RIPOR2: variants seen among roughly 807,000 people sequenced by gnomAD.
The protein encoded by RIPOR2 is RHO family interacting cell polarization regulator 2.
A neutral mutation model predicts 114.5 loss-of-function variants in RIPOR2; 39 were observed. The ratio of observed to expected loss-of-function variants is 0.34; its 90% CI spans 0.26 to 0.44. RIPOR2 has a LOEUF of 0.44. Ranked by LOEUF, RIPOR2 falls within the 20% of genes least tolerant of loss-of-function variation. The probability of loss-of-function intolerance (pLI) is 1.00; values close to 1 mark genes in which losing one functional copy is unlikely to be tolerated. For synonymous variants in RIPOR2, 445 were observed against 484.4 expected (o/e 0.92, Z 1.07); for missense variants, 1,007 against 1,255.1 (o/e 0.80, Z 2.99).
intron 1 of RIPOR2, among the ~76,000 whole-genome samples, chr6:25,024,731 C>T (rs1051166683): frequency 1.3e-5 from 2 of 152,198 alleles, no homozygotes; most frequent in Non-Finnish European, 2.9e-5. Flanking sequence ...GCTGTTTCTC[C>T]TAACTTGTAA....
intron 1 of RIPOR2, among the ~76,000 whole-genome samples, chr6:25,007,180 T>C (rs1046374993): frequency 5.3e-5 from 8 of 152,226 alleles, no homozygotes; most frequent in Non-Finnish European, 7.3e-5. Flanking sequence ...TATCTTAATA[T>C]CTTCAATAGA....
chr6:24,927,445 TCAA>T (rs983934132), intron 1 of RIPOR2, among the ~76,000 whole-genome samples: 14 of 151,308 alleles, frequency 9.3e-5, no homozygotes, highest in Middle Eastern at 3.4e-3. Context: ...ACCACCATCA[TCAA>T]CATTATCATC....
At chr6:24,893,348 G>C (rs933242173) in intron 1 of RIPOR2, among the ~76,000 whole-genome samples, 1 of 152,186 alleles carries the variant, frequency 6.6e-6, no homozygotes, top group African/African-American at 2.4e-5. Context: ...GCATAAAGTA[G>C]GTGAGGGCAG....
chr6:25,005,279 G>C (rs1561838953), intron 1 of RIPOR2, among the ~76,000 whole-genome samples: 1 of 152,160 alleles, frequency 6.6e-6, no homozygotes. Flanking sequence ...GTTGTCCGTA[G>C]ATTTAGACTA....
chr6:24,832,595 G>C (rs929259546), intron 15 of RIPOR2, among the ~76,000 whole-genome samples: 4 of 152,086 alleles, frequency 2.6e-5, no homozygotes, highest in Non-Finnish European at 4.4e-5. Context: ...GCATTTCTTC[G>C]TGTGTGCATA....
intron 1 of RIPOR2, among the ~76,000 whole-genome samples, chr6:24,994,640 T>A (rs1225089287): frequency 6.6e-6 from 1 of 152,162 alleles, no homozygotes. Context: ...ATGAGAGCGA[T>A]GGGACATGGT....
chr6:24,899,598 A>G (rs1051860243), intron 1 of RIPOR2, among the ~76,000 whole-genome samples: 1 of 152,242 alleles, frequency 6.6e-6, no homozygotes, highest in South Asian at 2.1e-4. Context: ...ATTATCCTGC[A>G]TAATTCTCCT....
At chr6:24,895,593 A>G (rs1400669334) in intron 1 of RIPOR2, among the ~76,000 whole-genome samples, 1 of 152,210 alleles carries the variant, frequency 6.6e-6, no homozygotes, top group Non-Finnish European at 1.5e-5. Context: ...ACTGCACAAA[A>G]TATTTGAAAA....
chr6:24,854,296 T>C (rs1484000852), intron 8 of RIPOR2, among the ~76,000 whole-genome samples: 1 of 152,148 alleles, frequency 6.6e-6, no homozygotes, highest in Non-Finnish European at 1.5e-5. Context: ...TGTAGAATAG[T>C]TTCATGGAGG....
intron 1 of RIPOR2, among the ~76,000 whole-genome samples, chr6:24,957,310 CAT>C (rs1561807062): frequency 6.6e-6 from 1 of 152,164 alleles, no homozygotes; most frequent in African/African-American, 2.4e-5. Context: ...ATTTAATCCT[CAT>C]AGCAAGACTA....
In RIPOR2 at chr6:25,010,423, T is replaced by C. The variant is rs538853460; in HGVS notation, c.76+31428A>G. On this transcript the variant is annotated intron_variant, in intron 1 of 13. Coordinates refer to the RIPOR2 transcript ENST00000510784. ...TGACGCCTTCACCAGATGCAGATGC[T>C]GGTGCGAGGCTTCGTGTACAGCCTG... 3.5e-3 allele frequency among the ~76,000 whole-genome samples: 530 copies of C among 152,280 alleles called. 3 individuals carry two copies. The highest frequency in any genetic ancestry group is 0.012 in the African/African-American group (501 of 41,560).
At chr6:25,004,784 T>C (rs1043633704) in intron 1 of RIPOR2, among the ~76,000 whole-genome samples, 1 of 152,134 alleles carries the variant, frequency 6.6e-6, no homozygotes, top group South Asian at 2.1e-4. Flanking sequence ...TTTGTGTGTG[T>C]GTGTGTTTGT....
chr6:24,927,234 C>T (rs111209324), intron 1 of RIPOR2, among the ~76,000 whole-genome samples: 131 of 494 alleles, frequency 0.27, 33 homozygotes, highest in East Asian at 0.42. Context: ...CCAGCACCAC[C>T]ACAACTACAA....
intron 1 of RIPOR2, among the ~76,000 whole-genome samples, chr6:24,888,930 A>G (rs1767076443): frequency 6.6e-6 from 1 of 152,224 alleles, no homozygotes; most frequent in Non-Finnish European, 1.5e-5. Flanking sequence ...GCTAGGTTAG[A>G]GTTAAACCCT....
intron 11 of RIPOR2, among the ~76,000 whole-genome samples, chr6:24,849,530 G>GA (rs1581587043): frequency 6.6e-6 from 1 of 152,122 alleles, no homozygotes; most frequent in African/African-American, 2.4e-5. Context: ...GAAGGTGACA[G>GA]AAAAAATATT....
At chr6:24,811,344 C>T (rs1781145962) in intron 20 of RIPOR2, among the ~76,000 whole-genome samples, 1 of 149,042 alleles carries the variant, frequency 6.7e-6, no homozygotes, top group Non-Finnish European at 1.5e-5. Context: ...AGCGATTCTC[C>T]TGCCTCAGCC....
chr6:24,951,393 T>C (rs1004213587), intron 1 of RIPOR2, among the ~76,000 whole-genome samples: 1 of 152,190 alleles, frequency 6.6e-6, no homozygotes, highest in Non-Finnish European at 1.5e-5. Flanking sequence ...AGTTTTGCAG[T>C]CGAATCGCTG....
At chr6:25,034,590 T>C (rs1230207122) in intron 1 of RIPOR2, among the ~76,000 whole-genome samples, 1 of 152,222 alleles carries the variant, frequency 6.6e-6, no homozygotes, top group Non-Finnish European at 1.5e-5. Context: ...TGATTAACTT[T>C]TGGGCTCTTT....
intron 1 of RIPOR2, among the ~76,000 whole-genome samples, chr6:24,958,018 G>T (rs931236709): frequency 1.1e-4 from 17 of 152,006 alleles, no homozygotes; most frequent in Non-Finnish European, 2.4e-4. Context: ...TTAATAGTTT[G>T]ATCTAGTAAT....
Sources: gnomAD v4.1 joint callset for allele counts (sites outside exome capture counted in the v4.1 genomes callset) on GRCh38, gnomAD v4.1.1 for gene constraint, MANE v1.5 for transcripts, NCBI Gene and HGNC (gene_info 2026-07-23, HGNC 2026-07-21) for gene names.